SSBP3: variants seen among roughly 807,000 people sequenced by gnomAD.
SSBP3 encodes single-stranded DNA-binding protein 3.
A neutral mutation model predicts 69.6 loss-of-function variants in SSBP3; 5 were observed. The ratio of observed to expected loss-of-function variants is 0.07; its 90% CI spans 0.04 to 0.15. The LOEUF (loss-of-function observed/expected upper bound fraction) is 0.15. Among genes scored for constraint, SSBP3 ranks in the 10% least tolerant of loss-of-function variants. The pLI is 1.00. For synonymous variants in SSBP3, 196 were observed against 193.4 expected, an observed-to-expected ratio of 1.01 and a Z score of -0.11; for missense variants, 312 against 534.0, an observed-to-expected ratio of 0.58 and a Z score of 4.10.
At chr1:54,311,529 C>T (rs1216704692) in intron 4 of SSBP3, among the ~76,000 whole-genome samples, 2 of 152,190 alleles carry the variant, frequency 1.3e-5, no homozygotes, top group Admixed American at 6.5e-5. Flanking sequence ...GACCTACCCA[C>T]AAGATGTCAA....
At chr1:54,308,932 G>A (rs1326729548) in intron 4 of SSBP3, among the ~76,000 whole-genome samples, 1 of 151,834 alleles carries the variant, frequency 6.6e-6, no homozygotes, top group Non-Finnish European at 1.5e-5. Context: ...CTAAGAAAAA[G>A]GCAATCTCTG....
At chr1:54,279,538 C>A (rs898387869) in intron 5 of SSBP3, among the ~76,000 whole-genome samples, 1 of 152,214 alleles carries the variant, frequency 6.6e-6, no homozygotes, top group Admixed American at 6.5e-5. Context: ...CTAATCTGCA[C>A]CGGACACCCA....
At chr1:54,243,146 G>T in intron 10 of SSBP3, 89 bp downstream of exon 10, 1 of 1,157,574 alleles carries the variant, frequency 8.6e-7, no homozygotes, top group Non-Finnish European at 1.3e-6. Context: ...TACCAGCAAT[G>T]ACCCCTTATC....
At chr1:54,295,755 G>C (rs971266459) in intron 4 of SSBP3, among the ~76,000 whole-genome samples, 1 of 152,120 alleles carries the variant, frequency 6.6e-6, no homozygotes, top group African/African-American at 2.4e-5. Context: ...TCAGCCACAG[G>C]GGACACTAGC....
rs1646651486 is a variant in SSBP3 at position 54,344,073 on chromosome 1, GGCCAAGAGGT to G, written c.276+57778_276+57787del. 2.0e-5 allele frequency among the ~76,000 whole-genome samples: 3 copies of G among 152,278 alleles called. No individual in the cohort carries two copies. The South Asian group carries it at 6.2e-4, about 32-fold the overall frequency. On this transcript the variant is annotated intron_variant, in intron 4 of 17. Coordinates refer to ENST00000610401, the Ensembl canonical transcript of SSBP3. Reference sequence around the variant, plus strand: ...AGCACCTGGGGGTGCGGGGCATGATGGCCAAGAGGTGCCCCTGATTAGACACCTGGGCTCA... The same window carrying G: ...AGCACCTGGGGGTGCGGGGCATGATGGCCCCTGATTAGACACCTGGGCTCA...
chr1:54,403,813 G>A (rs1649480220), intron 3 of SSBP3, among the ~76,000 whole-genome samples: 1 of 152,070 alleles, frequency 6.6e-6, no homozygotes, highest in South Asian at 2.1e-4. Context: ...ATATACCTAG[G>A]GCAACTGGCT....
chr1:54,288,769 T>C (rs1400440717), intron 4 of SSBP3, among the ~76,000 whole-genome samples: 1 of 151,884 alleles, frequency 6.6e-6, no homozygotes, highest in Non-Finnish European at 1.5e-5. Flanking sequence ...AAAACCACAG[T>C]CCACTCTGGG....
intron 4 of SSBP3, among the ~76,000 whole-genome samples, chr1:54,345,592 C>T (rs1021405203): frequency 1.3e-5 from 2 of 152,206 alleles, no homozygotes; most frequent in African/African-American, 4.8e-5. Flanking sequence ...ATGAACATCT[C>T]CTTTTAAGAT....
At chr1:54,313,936 G>A (rs561397633) in intron 4 of SSBP3, among the ~76,000 whole-genome samples, 1 of 152,032 alleles carries the variant, frequency 6.6e-6, no homozygotes, top group East Asian at 1.9e-4. Context: ...GCTAATTTTT[G>A]TATTTTTAGT....
chr1:54,288,172 A>G (rs1645526680), intron 4 of SSBP3, among the ~76,000 whole-genome samples: 1 of 152,180 alleles, frequency 6.6e-6, no homozygotes, highest in Non-Finnish European at 1.5e-5. Flanking sequence ...AAGGATTGCC[A>G]TAGGACCCAC....
At chr1:54,243,258 G>A (rs947181891) in exon 10 of SSBP3, 1 of 1,613,970 alleles carries the variant, frequency 6.2e-7, no homozygotes, top group Non-Finnish European at 8.5e-7. Context: ...GCATGGCGGG[G>A]CCGAGGGAGT....
chr1:54,339,264 T>C (rs1414655136), intron 4 of SSBP3, among the ~76,000 whole-genome samples: 1 of 152,320 alleles, frequency 6.6e-6, no homozygotes, highest in East Asian at 1.9e-4. Flanking sequence ...GAAAGCATAG[T>C]TAAGATTTTT....
upstream of SSBP3, among the ~76,000 whole-genome samples, chr1:54,407,422 G>C (rs1649855215): frequency 1.3e-5 from 2 of 151,784 alleles, no homozygotes; most frequent in African/African-American, 4.8e-5. Context: ...TCCATTGTCA[G>C]TGACCCAGGT....
intron 9 of SSBP3, among the ~76,000 whole-genome samples, chr1:54,249,877 C>G (rs926425336): frequency 2.6e-5 from 4 of 152,080 alleles, no homozygotes; most frequent in Non-Finnish European, 5.9e-5. Context: ...CAGATGCAGC[C>G]GCTGAGCCTC....
At chr1:54,232,472 C>T (rs1247347738) in intron 14 of SSBP3, among the ~76,000 whole-genome samples, 2 of 152,112 alleles carry the variant, frequency 1.3e-5, no homozygotes, top group Non-Finnish European at 2.9e-5. Flanking sequence ...TGGTGGCTCG[C>T]ACCTGTAATC....
chr1:54,243,896 C>T (rs904155871), intron 9 of SSBP3, among the ~76,000 whole-genome samples: 2 of 152,218 alleles, frequency 1.3e-5, no homozygotes, highest in African/African-American at 4.8e-5. Context: ...TCCATTTCTG[C>T]ACTCAGGGAT....
At chr1:54,362,856 T>C (rs1646971332) in intron 4 of SSBP3, among the ~76,000 whole-genome samples, 1 of 152,114 alleles carries the variant, frequency 6.6e-6, no homozygotes, top group Admixed American at 6.5e-5. Context: ...CCCCTCGTTT[T>C]CTCTCCCAGA....
At chr1:54,262,725 G>T (rs2149613) in intron 5 of SSBP3, among the ~76,000 whole-genome samples, 62,615 of 152,124 alleles carry the variant, frequency 0.41, 13,030 homozygotes, top group South Asian at 0.48. Context: ...ACCCCCATGA[G>T]CCAACCGGAA....
At position 54,404,819 on chromosome 1, in the gene SSBP3, G is replaced by GGGT. The variant is rs1557598545; in HGVS notation, c.129+38_129+39insACC. 1.3e-4 allele frequency: 144 copies of GGGT among 1,079,946 alleles called. No homozygotes were observed. In the South Asian group the frequency reaches 1.5e-3, roughly 11 times the overall value. The allele number at this position is 1,079,946 out of a possible 1,614,324, so 66.9% of individuals were successfully genotyped here. On this transcript the variant is annotated intron_variant, in intron 2 of 17. Transcript: ENST00000610401. The stretch of plus-strand genomic sequence containing the variant: ...GGCTCTAAGAATAGTGGGGGGGGGG[G>GGGT]GTGTCAAGAAATTGGATGCTGGGGG...
Sources: allele counts gnomAD v4.1 joint callset (sites outside exome capture counted in the v4.1 genomes callset), GRCh38; gene constraint gnomAD v4.1.1; transcripts MANE v1.5; gene names NCBI Gene and HGNC (gene_info 2026-07-23, HGNC 2026-07-21).